RNPC3: variants seen among roughly 807,000 people sequenced by gnomAD.
The protein encoded by RNPC3 is RNA-binding region-containing protein 3.
RNPC3 carries 48 observed loss-of-function variants against 67.5 expected under a neutral mutation model. That is an observed-to-expected ratio of 0.71 (90% CI 0.56 to 0.90). The LOEUF (loss-of-function observed/expected upper bound fraction) is 0.90, where lower values mean the gene tolerates loss of function less well. Among genes scored for constraint, RNPC3 ranks in the 40% least tolerant of loss-of-function variants. The pLI is 0.00. For synonymous variants in RNPC3, 239 were observed against 210.3 expected, an observed-to-expected ratio of 1.14 and a Z score of -1.18; for missense variants, 637 against 626.1, an observed-to-expected ratio of 1.02 and a Z score of -0.19.
Position 103,535,501 on chromosome 1 carries a change from C to A in RNPC3, c.555+60C>A. 2 of 1,005,968 alleles carry A rather than the reference C, an allele frequency of 2.0e-6. 1 individual carries two copies. The highest frequency in any genetic ancestry group is 2.9e-6 in the Non-Finnish European group (2 of 678,888). The allele number at this position is 1,005,968 out of a possible 1,614,324, so 62.3% of individuals were successfully genotyped here. ...TTGTATAGCTTGATACTTTATTTTT[C>A]ATGCTGATTCTCATAAAAGTAATCA... is the stretch of plus-strand genomic sequence containing the variant. On this transcript the variant is annotated intron_variant, in intron 5 of 14. Coordinates refer to ENST00000423855, the MANE Select transcript of RNPC3 (RefSeq NM_017619.4).
rs542233009 is a variant in RNPC3 at position 103,541,443 on chromosome 1, T to C, written c.861T>C (p.Asp287=). Residue 287 remains aspartate, a synonymous_variant, in exon 8 of 15, where the codon GAT becomes GAC. Transcript: ENST00000423855. The stretch of plus-strand genomic sequence containing the variant: ...TGAGAAAAAAGAGAAAAATAAAGGA[T>C]ATGTTGAATACACCTTTGTGTCCTT... The part of the protein sequence containing the change: ...RHVRKKRKIK[D]MLNTPLCPSH... 109 of 1,495,106 alleles carry C rather than the reference T, an allele frequency of 7.3e-5. 1 individual carries two copies. In the South Asian group the frequency reaches 1.4e-3, roughly 19 times the overall value. The allele number at this position is 1,495,106 out of a possible 1,614,324, so 92.6% of individuals were successfully genotyped here. A position where few individuals can be genotyped will look rare whatever the true frequency, so the allele number is the denominator to read the frequency against.
intron 1 of RNPC3, among the ~76,000 whole-genome samples, chr1:103,526,968 T>G (rs2101040341): frequency 6.6e-6 from 1 of 152,136 alleles, no homozygotes; most frequent in Middle Eastern, 3.4e-3. Flanking sequence ...AGTTACTGAA[T>G]TAGAAGAAAG....
intron 2 of RNPC3, among the ~76,000 whole-genome samples, chr1:103,530,063 C>T (rs12045665): frequency 4.2e-5 from 5 of 120,234 alleles, no homozygotes; most frequent in African/African-American, 1.7e-4. Context: ...CTCCCCACCC[C>T]CCACCCCAGC....
At chr1:103,530,951 A>G (rs1323883317) in intron 2 of RNPC3, among the ~76,000 whole-genome samples, 3 of 152,138 alleles carry the variant, frequency 2.0e-5, no homozygotes, top group Non-Finnish European at 2.9e-5. Context: ...CACCCAAGCA[A>G]TATACACTGT....
intron 10 of RNPC3, chr1:103,545,717 G>C (rs967912351): frequency 2.0e-5 from 3 of 152,270 alleles, no homozygotes; most frequent in Non-Finnish European, 4.4e-5. Flanking sequence ...AGCTATACAA[G>C]GGTTCTTAGG....
intron 14 of RNPC3, chr1:103,553,267 T>C (rs1342506652): frequency 1.3e-5 from 2 of 152,232 alleles, no homozygotes; most frequent in Non-Finnish European, 2.9e-5. Flanking sequence ...CTGCTGTTCT[T>C]CTTTAGAAGC....
At chr1:103,533,718 C>A in intron 2 of RNPC3, 21 bp from the exon 3 acceptor site, 1 of 1,227,002 alleles carries the variant, frequency 8.1e-7, no homozygotes, top group Non-Finnish European at 1.1e-6. Context: ...GAAATGTTTA[C>A]TCTTGTTCTT....
intron 11 of RNPC3, 168 bp from the exon 12 acceptor site, chr1:103,546,809 G>GTATCC: frequency 1.9e-6 from 1 of 513,438 alleles, no homozygotes; most frequent in East Asian, 3.2e-5. Flanking sequence ...TACTCCCTTT[G>GTATCC]TGAGTATCTG....
chr1:103,527,658 T>G (rs951982142), intron 1 of RNPC3, 37 bp from the exon 2 acceptor site: 3 of 1,477,904 alleles, frequency 2.0e-6, no homozygotes, highest in Admixed American at 4.0e-5. Flanking sequence ...AAACTGAAAT[T>G]ATATTGGAAG....
At position 103,526,097 on chromosome 1, in the gene RNPC3, G is replaced by T. The variant is rs1650697437; in HGVS notation, c.27G>T (p.Ala9=). ...TGGCAGCTCCCGAGCAGCCGCTTGCGATATCAAGGGGATGCACGAGCTCCT... is the reference window on the plus strand; with the variant it reads ...TGGCAGCTCCCGAGCAGCCGCTTGCTATATCAAGGGGATGCACGAGCTCCT... MAAPEQPL[A]ISRGCTSSSS... The change falls in exon 1 of 15, where the codon GCG becomes GCT. Residue 9 remains alanine (A), a synonymous_variant. Transcript: ENST00000423855. 1 of 1,545,866 alleles carries T rather than the reference G, an allele frequency of 6.5e-7. No homozygotes were observed.
chr1:103,530,230 G>T (rs193214476), intron 2 of RNPC3, among the ~76,000 whole-genome samples: 5 of 152,132 alleles, frequency 3.3e-5, no homozygotes, highest in African/African-American at 1.2e-4. Context: ...TTCTCAAAAG[G>T]GGAGACAGAC....
intron 7 of RNPC3, 128 bp from the exon 8 acceptor site, chr1:103,541,222 G>T (rs1651118073): frequency 1.7e-6 from 1 of 602,670 alleles, no homozygotes; most frequent in Non-Finnish European, 2.6e-6. Context: ...CTATATATTT[G>T]ATGTAAGTAA....
At chr1:103,533,311 G>A (rs971477856) in intron 2 of RNPC3, among the ~76,000 whole-genome samples, 1 of 151,996 alleles carries the variant, frequency 6.6e-6, no homozygotes, top group East Asian at 1.9e-4. Context: ...AAAATATTGT[G>A]AGGTTAAGGA....
At position 103,536,158 on chromosome 1, in the gene RNPC3, C is replaced by T. The variant is rs998885009; in HGVS notation, c.588C>T (p.Pro196=). Residue 196 remains proline, a synonymous_variant, in exon 6 of 15, where the codon CCC becomes CCT. Coordinates refer to ENST00000423855, the MANE Select transcript of RNPC3 (RefSeq NM_017619.4). ...VLHLMNKMNL[P]TPFGPITARP... Reference sequence around the variant, plus strand: ...ATCTTATGAATAAAATGAATTTGCCCACACCTTTTGGACCAATTACTGCGC... The same window carrying T: ...ATCTTATGAATAAAATGAATTTGCCTACACCTTTTGGACCAATTACTGCGC... 2.6e-6 allele frequency: 4 copies of T among 1,535,898 alleles called. No individual in the cohort carries two copies. In the South Asian group the frequency reaches 4.8e-5, roughly 18 times the overall value.
At chr1:103,526,990 T>G (rs937308397) in intron 1 of RNPC3, among the ~76,000 whole-genome samples, 3 of 151,802 alleles carry the variant, frequency 2.0e-5, no homozygotes, top group African/African-American at 7.3e-5. Context: ...CCAATTTTGA[T>G]CAGTTTAAAT....
intron 9 of RNPC3, 89 bp from the exon 10 acceptor site, chr1:103,544,852 A>G: frequency 1.4e-6 from 1 of 707,238 alleles, no homozygotes; most frequent in Non-Finnish European, 2.2e-6. Context: ...CAGAAGATAT[A>G]TTATTGAATA....
At position 103,526,170 on chromosome 1, in the gene RNPC3, C is replaced by T. The variant is rs1399944714; in HGVS notation, c.100C>T (p.Leu34=). 3.9e-6 allele frequency: 6 copies of T among 1,551,568 alleles called. No homozygotes were observed. Among genetic ancestry groups the T allele is most frequent in the South Asian group, 1.2e-5 (1 of 84,042 alleles). The change falls in exon 1 of 15, where the codon CTG becomes TTG. Residue 34 remains leucine, a synonymous_variant. Transcript: ENST00000423855. The part of the protein sequence containing the change: ...RGDRTLLVRH[L]PAELTAEEKE... The stretch of plus-strand genomic sequence containing the variant: ...CGACCGAACCCTTCTGGTCAGGCAC[C>T]TGCCGGCTGAGCTTACTGCTGAGGA...
At chr1:103,547,518 G>A (rs1435254527) in intron 12 of RNPC3, among the ~76,000 whole-genome samples, 1 of 152,126 alleles carries the variant, frequency 6.6e-6, no homozygotes, top group Non-Finnish European at 1.5e-5. Flanking sequence ...TTCATGGGTA[G>A]GACTCATGAA....
chr1:103,538,547 C>T (rs1359656652), intron 7 of RNPC3, among the ~76,000 whole-genome samples: 2 of 152,138 alleles, frequency 1.3e-5, no homozygotes, highest in Non-Finnish European at 1.5e-5. Context: ...GACATAAACA[C>T]ATATCAAACA....
Sources: allele counts gnomAD v4.1 joint callset (sites outside exome capture counted in the v4.1 genomes callset), GRCh38; gene constraint gnomAD v4.1.1; transcripts MANE v1.5; gene names NCBI Gene and HGNC (gene_info 2026-07-23, HGNC 2026-07-21).